FAT1: variants seen among roughly 807,000 people sequenced by gnomAD.
FAT1 encodes FAT atypical cadherin 1.
FAT1 carries 171 observed loss-of-function variants against 329.8 expected under a neutral mutation model. The ratio of observed to expected loss-of-function variants is 0.52; its 90% CI spans 0.46 to 0.59. FAT1 has a LOEUF of 0.59. FAT1 is among the 20% of genes least tolerant of loss of function. The pLI is 0.00. For missense variants in FAT1, 5,672 were observed against 5,774.4 expected (o/e 0.98, Z 0.57); for synonymous variants, 2,233 against 2,228.6 (o/e 1.00, Z -0.06).
In FAT1 at chr4:186,619,828, C is replaced by G. The variant is rs1739938103; in HGVS notation, c.6758G>C (p.Ser2253Thr). 1 of 1,614,012 alleles carries G rather than the reference C, an allele frequency of 6.2e-7. No individual in the cohort carries two copies. The highest frequency in any genetic ancestry group is 8.5e-7 in the Non-Finnish European group (1 of 1,179,900). Residue 2253 changes from serine (S) to threonine (T), a missense_variant, in exon 10 of 27, where the codon AGC becomes ACC. Around this residue, in one of 2 missense-constraint regions of FAT1, gnomAD observed 3,966 missense variants for 3,915.2 expected, o/e 1.01. Coordinates refer to ENST00000441802, the MANE Select transcript of FAT1 (RefSeq NM_005245.4). The part of the protein sequence containing the change: ...DFEAHPAYKL[S>T]IRATDSLTGA... ...CGTCAAGGAGTCAGTTGCGCGTATG[C>G]TCAGCTTATATGCCGGGTGGGCCTC...
At chr4:186,668,783 A>G (rs181540035) in intron 2 of FAT1, among the ~76,000 whole-genome samples, 501 of 152,300 alleles carry the variant, frequency 3.3e-3, no homozygotes, top group Non-Finnish European at 4.4e-3. Flanking sequence ...ACAAATTTTC[A>G]CATTTCCATT....
intron 26 of FAT1, 124 bp from the exon 27 acceptor site, chr4:186,589,344 C>G: frequency 9.1e-7 from 1 of 1,095,392 alleles, no homozygotes; most frequent in East Asian, 2.4e-5. Flanking sequence ...CAAAGTTCAC[C>G]ACTGGAAATT....
intron 9 of FAT1, among the ~76,000 whole-genome samples, chr4:186,626,618 G>C (rs1478317905): frequency 8.5e-6 from 1 of 117,576 alleles, no homozygotes; most frequent in East Asian, 2.8e-4. Context: ...CATGGCACCT[G>C]GCACATAAAG....
intron 2 of FAT1, among the ~76,000 whole-genome samples, chr4:186,706,264 G>C (rs1430187820): frequency 6.6e-6 from 1 of 152,176 alleles, no homozygotes; most frequent in African/African-American, 2.4e-5. Context: ...TTTGATAATA[G>C]AGTTCAAAAT....
In FAT1 at chr4:186,621,425, T is replaced by G. The variant is rs770944934; in HGVS notation, c.5161A>C (p.Thr1721Pro). The change falls in exon 10 of 27, where the codon ACT becomes CCT. Residue 1721 changes from threonine (T) to proline (P), a missense_variant. By Grantham distance (38) the Thr-to-Pro change is conservative (BLOSUM62 -1). Around this residue, in one of 2 missense-constraint regions of FAT1, gnomAD observed 3,966 missense variants for 3,915.2 expected, o/e 1.01. Coordinates refer to ENST00000441802, the MANE Select transcript of FAT1 (RefSeq NM_005245.4). ...DINPHSGTII[T>P]QKALDFETLP... ...GTTTCAAAGTCCAGGGCTTTCTGAG[T>G]GATGATAGTTCCAGAATGTGGATTA... is the stretch of plus-strand genomic sequence containing the variant. 6.2e-7 allele frequency: 1 copy of G among 1,614,024 alleles called. No individual in the cohort carries two copies. Among genetic ancestry groups the G allele is most frequent in the South Asian group, 1.1e-5 (1 of 91,082 alleles).
intron 1 of FAT1, among the ~76,000 whole-genome samples, chr4:186,717,274 CTA>C (rs1745256880): frequency 2.0e-5 from 3 of 152,144 alleles, no homozygotes; most frequent in Admixed American, 2.0e-4. Context: ...TGGGTGTACA[CTA>C]ATTCTTTTCA....
chr4:186,690,412 CT>C (rs764316659), intron 2 of FAT1, among the ~76,000 whole-genome samples: 1 of 152,260 alleles, frequency 6.6e-6, no homozygotes, highest in East Asian at 1.9e-4. Flanking sequence ...AGAAGAAAAT[CT>C]AATAGCCTGC....
intron 2 of FAT1, among the ~76,000 whole-genome samples, chr4:186,665,584 G>A (rs1018641692): frequency 2.0e-5 from 3 of 152,106 alleles, no homozygotes; most frequent in African/African-American, 7.2e-5. Context: ...GTAGATTCTG[G>A]ATATTAGCCC....
Position 186,636,031 on chromosome 4 carries a change from T to G in FAT1, c.4177A>C (p.Ile1393Leu). ...EPPGIPLWFD[I>L]TGGNYDSHFD... Reference sequence around the variant, plus strand: ...AATGAGGGGGAATGCTTACCAGTGATGTCAAACCAAAGGGGTATGCCAGGA... The same window carrying G: ...AATGAGGGGGAATGCTTACCAGTGAGGTCAAACCAAAGGGGTATGCCAGGA... Residue 1393 changes from isoleucine (I) to leucine (L), a missense_variant, in exon 6 of 27, where the codon ATC becomes CTC. Physicochemically the swap from Ile to Leu is conservative, Grantham distance 5. Transcript: ENST00000441802. 1 of 1,613,962 alleles carries G rather than the reference T, an allele frequency of 6.2e-7. No homozygotes were observed. Among genetic ancestry groups the G allele is most frequent in the Non-Finnish European group, 8.5e-7 (1 of 1,179,854 alleles).
chr4:186,628,026 A>T, intron 9 of FAT1, 128 bp downstream of exon 9: 1 of 978,190 alleles, frequency 1.0e-6, no homozygotes, highest in Non-Finnish European at 1.5e-6. Flanking sequence ...AATTGTATCT[A>T]GAGATCAATT....
chr4:186,602,882 AC>A lies in FAT1; in HGVS notation c.11482+20del, dbSNP rs1285591551. ...AACCGATTTTTAAAAATAAAAGTAT[AC>A]CCAACCATTCAACTCTCACCTGGGC... On this transcript the variant is annotated intron_variant, in intron 20 of 26. Coordinates refer to ENST00000441802, the MANE Select transcript of FAT1 (RefSeq NM_005245.4). 1 of 1,599,502 alleles carries A rather than the reference AC, an allele frequency of 6.3e-7. No individual in the cohort carries two copies. The highest frequency in any genetic ancestry group is 1.1e-5 in the South Asian group (1 of 90,012).
chr4:186,692,898 CA>C (rs1743853854), intron 2 of FAT1, among the ~76,000 whole-genome samples: 1 of 152,192 alleles, frequency 6.6e-6, no homozygotes, highest in African/African-American at 2.4e-5. Flanking sequence ...CTTTACCAGA[CA>C]CTCCATCTCT....
In FAT1 at chr4:186,636,716, C is replaced by T. The variant is rs759179182; in HGVS notation, c.3841G>A (p.Glu1281Lys). 8 of 1,613,774 alleles carry T rather than the reference C, an allele frequency of 5.0e-6. No homozygotes were observed. The highest frequency in any genetic ancestry group is 5.9e-6 in the Non-Finnish European group (7 of 1,179,870). ...TAGGAGATTTCTGCATTGGGGCCCT[C>T]ATCCTTGTCGGTGGCTATGACGTGA... ...LYHVIATDKD[E>K]GPNAEISYSI... Residue 1281 changes from glutamate to lysine, a missense_variant, in exon 5 of 27, where the codon GAG (glutamate) becomes AAG (lysine). Transcript: ENST00000441802.
chr4:186,715,366 A>T (rs1745164383), intron 1 of FAT1, among the ~76,000 whole-genome samples: 1 of 152,134 alleles, frequency 6.6e-6, no homozygotes, highest in Non-Finnish European at 1.5e-5. Context: ...TGTGGACCAC[A>T]TTCCTAACTG....
intron 2 of FAT1, among the ~76,000 whole-genome samples, chr4:186,675,816 CACACACACAATT>C (rs1180663224): frequency 8.2e-5 from 12 of 146,248 alleles, no homozygotes; most frequent in African/African-American, 3.3e-4. Flanking sequence ...CACACACACA[CACACACACAATT>C]AATTTTTAAA....
At chr4:186,642,124 T>TG (rs1289104657) in intron 3 of FAT1, among the ~76,000 whole-genome samples, 2 of 152,228 alleles carry the variant, frequency 1.3e-5, no homozygotes, top group African/African-American at 4.8e-5. Flanking sequence ...TTAACTCAGA[T>TG]GGAGCTTTAA....
intron 16 of FAT1, among the ~76,000 whole-genome samples, chr4:186,606,529 C>A (rs1351922618): frequency 6.6e-6 from 1 of 152,024 alleles, no homozygotes; most frequent in Non-Finnish European, 1.5e-5. Context: ...ATGATTAGGA[C>A]AAGAAGTTAA....
chr4:186,724,713 C>G (rs1579519035), upstream of FAT1, among the ~76,000 whole-genome samples: 1 of 152,206 alleles, frequency 6.6e-6, no homozygotes, highest in South Asian at 2.1e-4. This position sits in a 1 kb window ranked among gnomAD's most constrained non-coding sequence, Gnocchi z 5.3. Flanking sequence ...GGGCAGGGCT[C>G]CAGCCGCAGG....
chr4:186,607,988 T>C (rs1739228014), intron 16 of FAT1, among the ~76,000 whole-genome samples: 1 of 152,176 alleles, frequency 6.6e-6, no homozygotes. Flanking sequence ...TGCCTGAATA[T>C]GCTATTTCCC....
Sources: gnomAD v4.1 joint callset for allele counts (sites outside exome capture counted in the v4.1 genomes callset) on GRCh38, gnomAD v4.1.1 for gene constraint, gnomAD v4.1.1 regional missense constraint, Gnocchi (gnomAD v3.1) non-coding constraint, MANE v1.5 for transcripts, NCBI Gene and HGNC (gene_info 2026-07-23, HGNC 2026-07-21) for gene names.